STX18: variants seen among roughly 807,000 people sequenced by gnomAD.
STX18 encodes syntaxin 18.
STX18 carries 40 observed loss-of-function variants against 50.1 expected under a neutral mutation model. That is an observed-to-expected ratio of 0.80 (90% CI 0.62 to 1.04). STX18 has a LOEUF of 1.04. STX18 is among the 50% of genes least tolerant of loss of function. The pLI is 0.00. For synonymous variants in STX18, 158 were observed against 151.8 expected (o/e 1.04, Z -0.30); for missense variants, 410 against 415.8 (o/e 0.99, Z 0.12).
chr4:4,472,509 G>C (rs1266437845), intron 1 of STX18, among the ~76,000 whole-genome samples: 1 of 152,192 alleles, frequency 6.6e-6, no homozygotes, highest in African/African-American at 2.4e-5. Flanking sequence ...AAACACACGT[G>C]GCCCCAGCCT....
intron 1 of STX18, among the ~76,000 whole-genome samples, chr4:4,487,539 T>A (rs1728752473): frequency 6.6e-6 from 1 of 152,216 alleles, no homozygotes; most frequent in Non-Finnish European, 1.5e-5. Flanking sequence ...GAATAGACTC[T>A]AAGCCTGTGC....
intron 1 of STX18, among the ~76,000 whole-genome samples, chr4:4,516,560 A>G (rs1730277397): frequency 6.6e-6 from 1 of 152,230 alleles, no homozygotes; most frequent in Admixed American, 6.5e-5. Flanking sequence ...AAAGTCCATG[A>G]AAAATATTTT....
intron 5 of STX18, among the ~76,000 whole-genome samples, chr4:4,448,491 A>G (rs972770261): frequency 6.6e-6 from 1 of 151,950 alleles, no homozygotes; most frequent in African/African-American, 2.4e-5. Context: ...ACAGGAGTGC[A>G]CCACTACACC....
chr4:4,474,012 C>T (rs1284233472), intron 1 of STX18, among the ~76,000 whole-genome samples: 1 of 152,136 alleles, frequency 6.6e-6, no homozygotes, highest in South Asian at 2.1e-4. Context: ...CCGCACACCC[C>T]GCACCACTCC....
rs1724905469 is a variant in STX18, at chr4:4,420,772, G to A, written c.912+92C>T. 4 of 1,171,060 alleles carry A rather than the reference G, an allele frequency of 3.4e-6. No individual in the cohort carries two copies. The highest frequency in any genetic ancestry group is 1.7e-5 in the Admixed American group (1 of 57,820). 72.5% of individuals were successfully genotyped at this position (1,171,060 alleles called of 1,614,324 possible). A position where few individuals can be genotyped will look rare whatever the true frequency, so the allele number is the denominator to read the frequency against. On this transcript the variant is annotated intron_variant, in intron 10 of 10. Transcript: ENST00000306200. This position sits in a 1 kb window ranked among gnomAD's most constrained non-coding sequence, Gnocchi z 4.3. ...AGCCCCGTGAGCTCTGCCCAGCAAG[G>A]CTCCTGGGCAGCTGTGCCGGCGAGA...
intron 9 of STX18, among the ~76,000 whole-genome samples, chr4:4,422,419 T>C (rs1725014924): frequency 6.6e-6 from 1 of 151,376 alleles, no homozygotes; most frequent in Non-Finnish European, 1.5e-5. Flanking sequence ...ATACCAAAAT[T>C]AGCCAGGCGT....
intron 2 of STX18, among the ~76,000 whole-genome samples, chr4:4,471,367 T>C (rs1202232478): frequency 6.6e-6 from 1 of 152,200 alleles, no homozygotes; most frequent in Non-Finnish European, 1.5e-5. Context: ...TACAGCTCTG[T>C]AAGTACTCAT....
intron 2 of STX18, among the ~76,000 whole-genome samples, chr4:4,468,546 T>C (rs1412671962): frequency 6.6e-6 from 1 of 152,038 alleles, no homozygotes; most frequent in African/African-American, 2.4e-5. Context: ...CTTTCGTCCT[T>C]GTTATTGGCT....
In STX18 at chr4:4,508,275, AT is replaced by A. The variant is rs1187277162; in HGVS notation, c.168+33521del. ...ATGTCATATGTGGACCTCACCACAT[AT>A]CCCCCGTTTTTGCTTCTCTAGAATA... is the stretch of plus-strand genomic sequence containing the variant. On this transcript the variant is annotated intron_variant, in intron 1 of 10. Transcript: ENST00000306200. Among the ~76,000 whole-genome samples the A allele has an allele frequency of 2.0e-5, 3 of 152,234 alleles. No individual in the cohort carries two copies. The East Asian group carries it at 5.8e-4, about 29-fold the overall frequency.
intron 1 of STX18, among the ~76,000 whole-genome samples, chr4:4,504,999 T>C (rs1218201000): frequency 1.3e-5 from 2 of 152,192 alleles, no homozygotes; most frequent in African/African-American, 4.8e-5. Flanking sequence ...TTGAAAGTTG[T>C]GCAATCATAT....
chr4:4,478,862 G>A (rs573622822), intron 1 of STX18: 4 of 152,634 alleles, frequency 2.6e-5, no homozygotes, highest in African/African-American at 9.6e-5. Context: ...CAGCAGAGAG[G>A]GTATATTCTG....
intron 1 of STX18, chr4:4,507,328 C>T (rs1243255383): frequency 1.4e-6 from 1 of 739,332 alleles, no homozygotes; most frequent in East Asian, 2.5e-5. Flanking sequence ...GCTCACAGAG[C>T]TGAATATTAT....
intron 5 of STX18, among the ~76,000 whole-genome samples, chr4:4,441,235 A>G (rs1196794617): frequency 6.6e-6 from 1 of 152,208 alleles, no homozygotes; most frequent in Non-Finnish European, 1.5e-5. Context: ...CTGGAGTTCA[A>G]GGGGAAGAAA....
At chr4:4,447,164 G>A (rs1726454200) in intron 5 of STX18, among the ~76,000 whole-genome samples, 1 of 152,150 alleles carries the variant, frequency 6.6e-6, no homozygotes, top group Non-Finnish European at 1.5e-5. Flanking sequence ...TGTAGGAATT[G>A]AGCAACCTGA....
intron 1 of STX18, among the ~76,000 whole-genome samples, chr4:4,529,342 A>C (rs1730973897): frequency 6.6e-6 from 1 of 152,244 alleles, no homozygotes; most frequent in Non-Finnish European, 1.5e-5. Flanking sequence ...AGCCTGGGCG[A>C]GACTCCGTCT....
At chr4:4,523,954 C>T (rs1247327399) in intron 1 of STX18, among the ~76,000 whole-genome samples, 1 of 152,228 alleles carries the variant, frequency 6.6e-6, no homozygotes, top group African/African-American at 2.4e-5. Context: ...ACCCCTCCCA[C>T]TGAGTTCTTC....
intron 1 of STX18, among the ~76,000 whole-genome samples, chr4:4,474,400 G>A (rs1728071844): frequency 6.6e-6 from 1 of 152,136 alleles, no homozygotes; most frequent in Non-Finnish European, 1.5e-5. Context: ...AGTGGGTACT[G>A]AATAATCCCA....
At chr4:4,506,851 T>C (rs1729732018) in intron 1 of STX18, among the ~76,000 whole-genome samples, 1 of 152,208 alleles carries the variant, frequency 6.6e-6, no homozygotes, top group African/African-American at 2.4e-5. Context: ...CCTTTCTTTT[T>C]GTGATGAAGT....
Position 4,541,779 on chromosome 4 carries a change from C to T in STX18, c.168+18G>A, listed in dbSNP as rs1168086439. ...CTGCCCCCTCCTCAACCCGCCGTTT[C>T]CATAGCAACCAGCTCACCACTTCGC... On this transcript the variant is annotated intron_variant, in intron 1 of 10. Coordinates refer to ENST00000306200, the MANE Select transcript of STX18 (RefSeq NM_016930.4). The T allele has an allele frequency of 2.5e-6, 4 of 1,597,984 alleles. No individual in the cohort carries two copies. Among genetic ancestry groups the T allele is most frequent in the African/African-American group, 1.3e-5 (1 of 74,478 alleles).
Sources: allele counts gnomAD v4.1 joint callset (sites outside exome capture counted in the v4.1 genomes callset), GRCh38; gene constraint gnomAD v4.1.1; non-coding constraint Gnocchi (gnomAD v3.1); transcripts MANE v1.5; gene names NCBI Gene and HGNC (gene_info 2026-07-23, HGNC 2026-07-21).